Variants in EPB41L4A observed in about 807,000 individuals in gnomAD.
EPB41L4A encodes the protein band 4.1-like protein 4A.
Under a neutral mutation model 108.6 loss-of-function variants are expected in EPB41L4A, and 100 were observed. That is an observed-to-expected ratio of 0.92 (90% confidence interval 0.78 to 1.09). The LOEUF is 1.09. EPB41L4A is among the 50% of genes least tolerant of loss of function. EPB41L4A has a pLI of 0.00. For synonymous variants in EPB41L4A, 319 were observed against 289.0 expected (o/e 1.10, Z -1.05); for missense variants, 1,030 against 842.7 (o/e 1.22, Z -2.75).
chr5:112,236,404 C>T (rs1580496282), intron 11 of EPB41L4A, among the ~76,000 whole-genome samples: 1 of 152,178 alleles, frequency 6.6e-6, no homozygotes, highest in East Asian at 1.9e-4. Flanking sequence ...CAAAGCTCTG[C>T]CTTTCCCCAG....
At chr5:112,167,638 A>G (rs540065427) in intron 22 of EPB41L4A, among the ~76,000 whole-genome samples, 4 of 152,296 alleles carry the variant, frequency 2.6e-5, no homozygotes, top group African/African-American at 7.2e-5. Context: ...CCAAAGTAGA[A>G]TGAATTTGAA....
rs534070672 is a variant in EPB41L4A at position 112,419,183 on chromosome 5, G to T, written c.-144C>A. 1 of 579,472 alleles carries T rather than the reference G, an allele frequency of 1.7e-6. No homozygotes were observed. The highest frequency in any genetic ancestry group is 3.3e-5 in the East Asian group (1 of 30,016). The allele number at this position is 579,472 out of a possible 1,614,324, so 35.9% of individuals were successfully genotyped here. ...CAGCTCCCGGCGGGGTCCGGGGACC[G>T]GCCGCCGAACCGCCCGGCGGGGCGG... On this transcript the variant is annotated 5_prime_UTR_variant, in exon 1 of 23. Transcript: ENST00000261486.
At chr5:112,416,241 T>C (rs568747579) in intron 1 of EPB41L4A, among the ~76,000 whole-genome samples, 8 of 152,222 alleles carry the variant, frequency 5.3e-5, no homozygotes, top group African/African-American at 1.7e-4. Flanking sequence ...TTCAAAATGA[T>C]ACACAGAAAA....
chr5:112,270,907 A>G (rs1384235417), intron 4 of EPB41L4A, among the ~76,000 whole-genome samples: 1 of 152,250 alleles, frequency 6.6e-6, no homozygotes, highest in Admixed American at 6.5e-5. Flanking sequence ...TCTAAAAAAT[A>G]TTATGAATGA....
At chr5:112,145,976 C>G in exon 13 of EPB41L4A, 1 of 456,690 alleles carries the variant, frequency 2.2e-6, no homozygotes, top group Non-Finnish European at 4.4e-6. Context: ...TCTGCCCTTT[C>G]TAGGTCTGGA....
intron 9 of EPB41L4A, among the ~76,000 whole-genome samples, chr5:112,244,396 A>G (rs1312607885): frequency 6.6e-6 from 1 of 152,188 alleles, no homozygotes; most frequent in African/African-American, 2.4e-5. Context: ...CTTGGGGTTC[A>G]TTGTCACGCA....
intron 1 of EPB41L4A, among the ~76,000 whole-genome samples, chr5:112,326,921 T>A (rs1343609525): frequency 2.0e-5 from 3 of 152,158 alleles, no homozygotes. Flanking sequence ...ATTAAAAAAA[T>A]ATTCACTGAT....
chr5:112,187,673 A>G (rs1761493564), intron 17 of EPB41L4A, among the ~76,000 whole-genome samples: 1 of 152,192 alleles, frequency 6.6e-6, no homozygotes. Context: ...CACATTACCA[A>G]TGAATTCTTA....
chr5:112,296,494 A>C lies in EPB41L4A; in HGVS notation c.204+10892T>G, dbSNP rs541864952. Among the ~76,000 whole-genome samples the C allele has an allele frequency of 1.7e-4, 26 of 152,308 alleles. No homozygotes were observed. In the East Asian group the frequency reaches 5.0e-3, roughly 29 times the overall value. On this transcript the variant is annotated intron_variant, in intron 2 of 22. Coordinates refer to ENST00000261486, the MANE Select transcript of EPB41L4A (RefSeq NM_022140.5). ...CACTGCTCTCAGATATATAAGAAAA[A>C]GGTAGAGTTGGAATCATTCCAGGAA...
At chr5:112,362,747 C>A (rs1758852239) in intron 1 of EPB41L4A, among the ~76,000 whole-genome samples, 1 of 152,146 alleles carries the variant, frequency 6.6e-6, no homozygotes, top group South Asian at 2.1e-4. Flanking sequence ...ATTAACAATA[C>A]TTTACTGTTC....
chr5:112,214,165 C>T (rs1008522498), intron 12 of EPB41L4A, among the ~76,000 whole-genome samples: 3 of 152,186 alleles, frequency 2.0e-5, no homozygotes, highest in African/African-American at 7.2e-5. Context: ...ACTCGGGCTA[C>T]AGAGAAAAGT....
chr5:112,285,776 T>C (rs143694368), intron 2 of EPB41L4A, among the ~76,000 whole-genome samples: 275 of 152,310 alleles, frequency 1.8e-3, no homozygotes, highest in African/African-American at 6.1e-3. Context: ...GTTACAGAAA[T>C]GCAATAATAA....
chr5:112,348,656 G>GAAGT (rs1382538605), intron 1 of EPB41L4A, among the ~76,000 whole-genome samples: 2 of 152,260 alleles, frequency 1.3e-5, no homozygotes, highest in African/African-American at 4.8e-5. Flanking sequence ...AGACACTAAT[G>GAAGT]AAGTATTCAG....
At chr5:112,387,397 C>A (rs1016889701) in intron 1 of EPB41L4A, among the ~76,000 whole-genome samples, 3 of 152,022 alleles carry the variant, frequency 2.0e-5, no homozygotes, top group Non-Finnish European at 4.4e-5. Context: ...GAGGCCGAGG[C>A]GGGCAGATCA....
At chr5:112,208,788 G>T (rs1385575560) in intron 13 of EPB41L4A, among the ~76,000 whole-genome samples, 1 of 152,194 alleles carries the variant, frequency 6.6e-6, no homozygotes, top group African/African-American at 2.4e-5. Context: ...CTAAAAAAGC[G>T]TGGGATCTGA....
rs956047794 is a variant in EPB41L4A, at chr5:112,334,667, ATACCT to A, written c.100-27182_100-27178del. On this transcript the variant is annotated intron_variant, in intron 1 of 22. Coordinates refer to ENST00000261486, the MANE Select transcript of EPB41L4A (RefSeq NM_022140.5). ...CCACCTTTCTGGGCCAAACCAATGT[ATACCT>A]TACATGTATTAATTTATGTCTTTGC... Among the ~76,000 whole-genome samples, 8 of 152,152 alleles carry A rather than the reference ATACCT, an allele frequency of 5.3e-5. No individual in the cohort carries two copies. The East Asian group carries it at 1.2e-3, about 22-fold the overall frequency.
intron 1 of EPB41L4A, among the ~76,000 whole-genome samples, chr5:112,382,533 C>T (rs764215712): frequency 1.3e-5 from 2 of 152,146 alleles, no homozygotes; most frequent in African/African-American, 4.8e-5. Flanking sequence ...AAAATTCAAA[C>T]GTAGCTATTC....
Position 112,293,099 on chromosome 5 carries a change from G to C in EPB41L4A, c.205-12776C>G, listed in dbSNP as rs186261750. 2.2e-3 allele frequency among the ~76,000 whole-genome samples: 335 copies of C among 152,152 alleles called. 1 individual carries two copies. The highest frequency in any genetic ancestry group is 7.8e-3 in the African/African-American group (323 of 41,514). On this transcript the variant is annotated intron_variant, in intron 2 of 22. Coordinates refer to ENST00000261486, the MANE Select transcript of EPB41L4A (RefSeq NM_022140.5). ...ATATACAAAAATATAAATGTATATG[G>C]ATATATGGATATATATATACATGTA... is the stretch of plus-strand genomic sequence containing the variant.
At chr5:112,219,209 G>A (rs756745681) in intron 12 of EPB41L4A, among the ~76,000 whole-genome samples, 3 of 152,124 alleles carry the variant, frequency 2.0e-5, no homozygotes, top group East Asian at 1.9e-4. Flanking sequence ...TCCCCACGTC[G>A]TCGTGGGAGG....
Sources: allele counts gnomAD v4.1 joint callset (sites outside exome capture counted in the v4.1 genomes callset), GRCh38; gene constraint gnomAD v4.1.1; transcripts MANE v1.5; gene names NCBI Gene and HGNC (gene_info 2026-07-23, HGNC 2026-07-21).